Variants in FRG1 observed in about 807,000 individuals in gnomAD.
FRG1 encodes protein FRG1.
A neutral mutation model predicts 37.0 loss-of-function variants in FRG1; 19 were observed. That is an observed-to-expected ratio of 0.51 (90% CI 0.36 to 0.75). The LOEUF (loss-of-function observed/expected upper bound fraction) is 0.75, where lower values mean the gene tolerates loss of function less well. Ranked by LOEUF, FRG1 falls within the 30% of genes least tolerant of loss-of-function variation. The pLI, the probability that FRG1 is intolerant of heterozygous loss-of-function variation, is 0.00. For synonymous variants in FRG1, 73 were observed against 96.5 expected (o/e 0.76, Z 1.43); for missense variants, 243 against 301.4 (o/e 0.81, Z 1.44).
intron 1 of FRG1, among the ~76,000 whole-genome samples, chr4:189,942,237 A>G (rs376070654): frequency 6.6e-6 from 1 of 152,220 alleles, no homozygotes; most frequent in African/African-American, 2.4e-5. Context: ...TTATTGAGAT[A>G]TAATTCATAA....
chr4:189,958,086 A>G lies in FRG1; in HGVS notation c.537+584A>G, dbSNP rs904052612. 2.0e-5 allele frequency among the ~76,000 whole-genome samples: 3 copies of G among 148,380 alleles called. No individual in the cohort carries two copies. The Admixed American group carries it at 2.0e-4, about 10-fold the overall frequency. On this transcript the variant is annotated intron_variant, in intron 6 of 8. Coordinates refer to ENST00000226798, the MANE Select transcript of FRG1 (RefSeq NM_004477.3). ...ATTGTATCTTGGAGAGTTTTCTACT[A>G]TGAGTTTGAATGTAGAAAGTTTTCT...
rs559054039 is a variant in FRG1, at chr4:189,961,665, C to T, written c.630-157C>T. On this transcript the variant is annotated intron_variant, in intron 7 of 8. Transcript: ENST00000226798. The stretch of plus-strand genomic sequence containing the variant: ...TTGAGCGATGTGCCTGCCTTGGCCT[C>T]CCAAAGTGCTGGGATTGCAGGCATG... 1.0e-4 allele frequency: 50 copies of T among 482,616 alleles called. No homozygotes were observed. The East Asian group carries it at 1.8e-3, about 17-fold the overall frequency. The allele number at this position is 482,616 out of a possible 1,614,324, so 29.9% of individuals were successfully genotyped here.
At chr4:189,954,288 G>A (rs1280769086) in intron 4 of FRG1, among the ~76,000 whole-genome samples, 1 of 152,076 alleles carries the variant, frequency 6.6e-6, no homozygotes, top group Non-Finnish European at 1.5e-5. Context: ...CTGGAAAACA[G>A]TTTGATGACA....
At chr4:189,957,231 A>G (rs1305172012) in intron 5 of FRG1, among the ~76,000 whole-genome samples, 167 bp from the exon 6 acceptor site, 1 of 152,234 alleles carries the variant, frequency 6.6e-6, no homozygotes, top group Non-Finnish European at 1.5e-5. Context: ...ATGATAGGTG[A>G]TTTTGGTTTC....
chr4:189,959,297 C>T (rs555993279), intron 6 of FRG1, among the ~76,000 whole-genome samples: 1 of 152,316 alleles, frequency 6.6e-6, no homozygotes, highest in South Asian at 2.1e-4. Context: ...GCACCCAGCA[C>T]ATGCGTTGTA....
intron 1 of FRG1, 83 bp from the exon 2 acceptor site, chr4:189,943,119 A>G: frequency 7.1e-7 from 1 of 1,411,936 alleles, no homozygotes. Flanking sequence ...AAACAGCTTA[A>G]AAGACTTTCA....
At chr4:189,959,303 T>C (rs2126822245) in intron 6 of FRG1, among the ~76,000 whole-genome samples, 1 of 152,320 alleles carries the variant, frequency 6.6e-6, no homozygotes, top group South Asian at 2.1e-4. Context: ...AGCACATGCG[T>C]TGTAGTCTTG....
chr4:189,957,527 G>A, intron 6 of FRG1, 25 bp downstream of exon 6: 3 of 1,609,448 alleles, frequency 1.9e-6, no homozygotes. Flanking sequence ...TTATACAGAT[G>A]ACTGCATTCA....
chr4:189,941,271 A>G lies in FRG1; in HGVS notation c.62+200A>G, dbSNP rs543444382. On this transcript the variant is annotated intron_variant, in intron 1 of 8. Transcript: ENST00000226798. The stretch of plus-strand genomic sequence containing the variant: ...AGAGGGGCAGCCTCCCGCGCGGACG[A>G]CCCTGGAAACAGGATAGACGGGCAG... 7.6e-4 allele frequency among the ~76,000 whole-genome samples: 116 copies of G among 152,130 alleles called. No individual in the cohort carries two copies. In the East Asian group the frequency reaches 0.02, roughly 27 times the overall value.
At chr4:189,953,622 T>C (rs145033100) in intron 4 of FRG1, among the ~76,000 whole-genome samples, 6,067 of 152,256 alleles carry the variant, frequency 0.04, 395 homozygotes, top group African/African-American at 0.14. Context: ...CAGAAGATAC[T>C]GAAAGTGAAT....
intron 6 of FRG1, among the ~76,000 whole-genome samples, chr4:189,957,872 T>C (rs1737052805): frequency 6.6e-6 from 1 of 152,146 alleles, no homozygotes. Context: ...AATAAAAGCA[T>C]GTGAAGACGT....
At chr4:189,952,575 A>G (rs78092925) in intron 3 of FRG1, among the ~76,000 whole-genome samples, 1 of 152,236 alleles carries the variant, frequency 6.6e-6, no homozygotes, top group African/African-American at 2.4e-5. Flanking sequence ...AACCTATTTG[A>G]GTCAAAATGT....
intron 5 of FRG1, among the ~76,000 whole-genome samples, chr4:189,956,623 GAAATT>G (rs1203747332): frequency 1.3e-5 from 2 of 152,174 alleles, no homozygotes; most frequent in Non-Finnish European, 2.9e-5. Flanking sequence ...CCTTGACTAA[GAAATT>G]AAATCCATGT....
At chr4:189,958,879 G>A (rs1737103630) in intron 6 of FRG1, among the ~76,000 whole-genome samples, 1 of 152,198 alleles carries the variant, frequency 6.6e-6, no homozygotes, top group African/African-American at 2.4e-5. Flanking sequence ...TGGCTTTTCT[G>A]TGTCTTGGCA....
At chr4:189,944,713 C>T (rs73024923) in intron 2 of FRG1, among the ~76,000 whole-genome samples, 5 of 151,880 alleles carry the variant, frequency 3.3e-5, no homozygotes, top group African/African-American at 4.8e-5. Flanking sequence ...AATCAATTAA[C>T]TTTCTATGTA....
chr4:189,949,304 C>T (rs1265641569), intron 2 of FRG1, among the ~76,000 whole-genome samples: 2 of 152,164 alleles, frequency 1.3e-5, no homozygotes, highest in Admixed American at 6.5e-5. Context: ...AGTCGATAAA[C>T]ATATAAGCAT....
At chr4:189,948,626 G>A (rs1233360324) in intron 2 of FRG1, among the ~76,000 whole-genome samples, 3 of 152,174 alleles carry the variant, frequency 2.0e-5, no homozygotes, top group Non-Finnish European at 2.9e-5. Flanking sequence ...ACACAGCCTT[G>A]ATGCTAGAAT....
At chr4:189,961,055 G>C (rs1737206935) in intron 7 of FRG1, 2 of 478,874 alleles carry the variant, frequency 4.2e-6, no homozygotes, top group East Asian at 7.8e-5. Context: ...GGCAGAGCAA[G>C]ACCGTGTCTG....
intron 4 of FRG1, among the ~76,000 whole-genome samples, chr4:189,954,399 AAG>A (rs71917975): frequency 0.3 from 43,901 of 147,510 alleles, 6,445 homozygotes; most frequent in Middle Eastern, 0.43. Flanking sequence ...TATTTATAAT[AAG>A]AGAAAAAGTA....
Sources: allele counts gnomAD v4.1 joint callset (sites outside exome capture counted in the v4.1 genomes callset), GRCh38; gene constraint gnomAD v4.1.1; transcripts MANE v1.5; gene names NCBI Gene and HGNC (gene_info 2026-07-23, HGNC 2026-07-21).